Variants in SAMM50 observed in about 807,000 individuals in gnomAD.
SAMM50 encodes the protein SAMM50 sorting and assembly machinery component.
SAMM50 carries 47 observed loss-of-function variants against 66.9 expected under a neutral mutation model. The observed-to-expected ratio is 0.70, with a 90% CI of 0.56 to 0.90. The LOEUF is 0.90. Among genes scored for constraint, SAMM50 ranks in the 40% least tolerant of loss-of-function variants. The pLI, the probability that SAMM50 is intolerant of heterozygous loss-of-function variation, is 0.00. For missense variants in SAMM50, 535 were observed against 595.3 expected, an observed-to-expected ratio of 0.90 and a Z score of 1.05; for synonymous variants, 191 against 214.1, an observed-to-expected ratio of 0.89 and a Z score of 0.94.
At chr22:43,979,758 C>G (rs750554528) in intron 10 of SAMM50, among the ~76,000 whole-genome samples, 1 of 152,052 alleles carries the variant, frequency 6.6e-6, no homozygotes, top group African/African-American at 2.4e-5. Context: ...TGCCTGTAGC[C>G]CTTGATCCTT....
intron 2 of SAMM50, among the ~76,000 whole-genome samples, chr22:43,963,917 A>ATTTTTTTTTT (rs1381112918): frequency 3.3e-5 from 5 of 150,224 alleles, no homozygotes; most frequent in African/African-American, 1.3e-4. Context: ...TATTTTTAAA[A>ATTTTTTTTTT]TTTTTTTTGA....
intron 12 of SAMM50, chr22:43,987,994 C>T (rs1428748536): frequency 6.6e-6 from 1 of 151,962 alleles, no homozygotes; most frequent in Non-Finnish European, 1.5e-5. Context: ...CATTATAATC[C>T]ACTGGAAGAA....
At chr22:43,963,489 C>A in intron 2 of SAMM50, 93 bp downstream of exon 2, 1 of 664,026 alleles carries the variant, frequency 1.5e-6, no homozygotes. Flanking sequence ...TAACCTGTTT[C>A]CGTGCCTTTA....
Position 43,977,872 on chromosome 22 carries a change from G to C in SAMM50, c.850G>C (p.Glu284Gln), listed in dbSNP as rs778873552. 1 of 1,613,110 alleles carries C rather than the reference G, an allele frequency of 6.2e-7. No homozygotes were observed. Among genetic ancestry groups the C allele is most frequent in the East Asian group, 2.2e-5 (1 of 44,858 alleles). ...TGACCTGAGTGCTCCTTCCCTGCAG[G>C]AACTGGCAGGCTACACTGGCGGGGA... ...RRGALLKVNQ[E>Q]LAGYTGGDVS... The change falls in exon 10 of 15, where the codon GAA becomes CAA. Residue 284 changes from glutamate to glutamine, a missense_variant and splice_region_variant. Glu to Gln is a conservative substitution (Grantham distance 29, BLOSUM62 2). Transcript: ENST00000350028.
chr22:43,986,985 T>A (rs911953125), intron 12 of SAMM50: 3 of 152,228 alleles, frequency 2.0e-5, no homozygotes, highest in African/African-American at 7.2e-5. Flanking sequence ...TTCATTACAG[T>A]GTAATTTTTA....
intron 1 of SAMM50, among the ~76,000 whole-genome samples, chr22:43,959,507 T>TACACACACACACACAC (rs138315774): frequency 0.028 from 3,838 of 138,480 alleles, 75 homozygotes; most frequent in Non-Finnish European, 0.034. Context: ...TTTTTTATAT[T>TACACACACACACACAC]ACACACACAC....
chr22:43,968,226 C>CAAAAAAAAAAAAAAAAAAAA (rs66961907), intron 3 of SAMM50, among the ~76,000 whole-genome samples: 1 of 68,642 alleles, frequency 1.5e-5, no homozygotes, highest in Non-Finnish European at 2.8e-5. Flanking sequence ...AACTCTGTCT[C>CAAAAAAAAAAAAAAAAAAAA]AAAAAAAAAA....
intron 4 of SAMM50, 141 bp from the exon 5 acceptor site, chr22:43,972,095 G>C: frequency 1.8e-6 from 1 of 545,070 alleles, no homozygotes; most frequent in Non-Finnish European, 3.2e-6. Context: ...GTTCTTAAAC[G>C]TTTCTCATGA....
In SAMM50 at chr22:43,963,290, TG is replaced by T; in HGVS notation, c.28del (p.Glu10SerfsTer13). 6.2e-7 allele frequency: 1 copy of T among 1,603,800 alleles called. No homozygotes were observed. The highest frequency in any genetic ancestry group is 8.5e-7 in the Non-Finnish European group (1 of 1,173,618). On this transcript the variant is annotated frameshift_variant, in exon 2 of 15. Coordinates refer to ENST00000350028, the MANE Select transcript of SAMM50 (RefSeq NM_015380.5). LOFTEE classifies it high-confidence loss of function. MGTVHARS[L>X]EPLPSSGPDF... ...TGGTCGCTCCCTCCCTTTCAGAGTT[TG>T]GAGCCTCTTCCATCAAGTGGACCTG...
chr22:43,958,298 A>C (rs1226114356), intron 1 of SAMM50, among the ~76,000 whole-genome samples: 1 of 152,002 alleles, frequency 6.6e-6, no homozygotes, highest in Non-Finnish European at 1.5e-5. Context: ...CTTTGATCCT[A>C]AATTTCTAGA....
Position 43,955,445 on chromosome 22 carries a change from G to A in SAMM50, c.-133G>A. On this transcript the variant is annotated 5_prime_UTR_variant, in exon 1 of 15. Transcript: ENST00000350028. ...GCGGGGAATCATGGCCGCCCCCAGT[G>A]TTCCGCGTCCGGGGGTTTGTGGGAG... 1 of 1,051,648 alleles carries A rather than the reference G, an allele frequency of 9.5e-7. No homozygotes were observed. Among genetic ancestry groups the A allele is most frequent in the South Asian group, 1.4e-5 (1 of 72,960 alleles). The allele number at this position is 1,051,648 out of a possible 1,614,324, so 65.1% of individuals were successfully genotyped here.
At chr22:43,990,114 A>T in intron 13 of SAMM50, 151 bp from the exon 14 acceptor site, 1 of 811,322 alleles carries the variant, frequency 1.2e-6, no homozygotes, top group South Asian at 1.8e-5. Flanking sequence ...CTGGGTCCTA[A>T]TCTCACTTCA....
At chr22:43,971,621 G>A (rs1569028325) in intron 4 of SAMM50, among the ~76,000 whole-genome samples, 1 of 152,176 alleles carries the variant, frequency 6.6e-6, no homozygotes, top group African/African-American at 2.4e-5. Context: ...GATTCCTTTA[G>A]CAAATATTGT....
In SAMM50 at chr22:43,973,899, C is replaced by T. The variant is rs138548872; in HGVS notation, c.648+576C>T. ...AAGTGCTGGGATTACAGGTGTGAGCCACTGCACCTGGTCCGGAAGGTTTCA... is the reference window on the plus strand; with the variant it reads ...AAGTGCTGGGATTACAGGTGTGAGCTACTGCACCTGGTCCGGAAGGTTTCA... On this transcript the variant is annotated intron_variant, in intron 7 of 14. Coordinates refer to ENST00000350028, the MANE Select transcript of SAMM50 (RefSeq NM_015380.5). Among the ~76,000 whole-genome samples the T allele has an allele frequency of 1.0e-3, 159 of 152,306 alleles. 2 individuals carry two copies. The East Asian group carries it at 0.023, about 22-fold the overall frequency.
intron 11 of SAMM50, among the ~76,000 whole-genome samples, chr22:43,981,983 A>T (rs998984360): frequency 6.6e-6 from 1 of 152,208 alleles, no homozygotes; most frequent in Non-Finnish European, 1.5e-5. Context: ...CTCAAAGTAA[A>T]ACTCATAGTA....
intron 14 of SAMM50, among the ~76,000 whole-genome samples, chr22:43,993,521 G>T (rs1247421093): frequency 6.6e-6 from 1 of 152,218 alleles, no homozygotes; most frequent in African/African-American, 2.4e-5. Context: ...GGTTTATTCC[G>T]GGAGGAAGCA....
intron 1 of SAMM50, among the ~76,000 whole-genome samples, chr22:43,962,706 G>C (rs1198088210): frequency 6.6e-6 from 1 of 152,060 alleles, no homozygotes; most frequent in East Asian, 1.9e-4. Context: ...GATGCTTTCT[G>C]TAACAACAGG....
rs1274417860 is a variant in SAMM50 at position 43,996,517 on chromosome 22, TAA to T, written c.*136_*137del. The T allele has an allele frequency of 1.1e-6, 1 of 878,818 alleles. No individual in the cohort carries two copies. The highest frequency in any genetic ancestry group is 1.7e-5 in the African/African-American group (1 of 60,522). The allele number at this position is 878,818 out of a possible 1,614,324, so 54.4% of individuals were successfully genotyped here. A position where few individuals can be genotyped will look rare whatever the true frequency, so the allele number is the denominator to read the frequency against. ...TGTGGGAAACCCCGTCAATAAATGTTAAAGACACACTCCGAGGCAGCGTGGAT... is the reference window on the plus strand; with the variant it reads ...TGTGGGAAACCCCGTCAATAAATGTTAGACACACTCCGAGGCAGCGTGGAT... On this transcript the variant is annotated 3_prime_UTR_variant, in exon 15 of 15. Coordinates refer to ENST00000350028, the MANE Select transcript of SAMM50 (RefSeq NM_015380.5).
intron 11 of SAMM50, among the ~76,000 whole-genome samples, chr22:43,981,860 G>A (rs904615674): frequency 2.0e-5 from 3 of 152,092 alleles, no homozygotes; most frequent in Non-Finnish European, 4.4e-5. Flanking sequence ...TTAGCCTACC[G>A]TGTATTTTTT....
Sources: gnomAD v4.1 joint callset for allele counts (sites outside exome capture counted in the v4.1 genomes callset) on GRCh38, gnomAD v4.1.1 for gene constraint, MANE v1.5 for transcripts, NCBI Gene and HGNC (gene_info 2026-07-23, HGNC 2026-07-21) for gene names.